The following LRP1B variants were observed in gnomAD, a reference collection of about 807,000 sequenced individuals.
The protein encoded by LRP1B is LDL receptor related protein 1B.
LRP1B carries 217 observed loss-of-function variants against 556.6 expected under a neutral mutation model. The observed-to-expected ratio is 0.39, with a 90% CI of 0.35 to 0.44. LRP1B has a LOEUF of 0.44. Ranked by LOEUF, LRP1B falls within the 20% of genes least tolerant of loss-of-function variation. The probability of loss-of-function intolerance (pLI) is 1.00; values close to 1 mark genes in which losing one functional copy is unlikely to be tolerated. For synonymous variants in LRP1B, 2,047 were observed against 1,865.8 expected (o/e 1.10, Z -2.50); for missense variants, 5,053 against 5,620.8 (o/e 0.90, Z 3.23).
At chr2:141,713,510 T>C (rs928501456) in intron 2 of LRP1B, among the ~76,000 whole-genome samples, 18 of 152,172 alleles carry the variant, frequency 1.2e-4, no homozygotes, top group African/African-American at 2.4e-5. Flanking sequence ...ATAAATGCGG[T>C]ATCTGTTAAA....
intron 7 of LRP1B, among the ~76,000 whole-genome samples, chr2:141,120,477 A>G (rs1257427445): frequency 6.6e-6 from 1 of 151,964 alleles, no homozygotes; most frequent in Non-Finnish European, 1.5e-5. Flanking sequence ...CCTACACATA[A>G]GGCAATTTCA....
chr2:141,239,570 G>A (rs1206927896), intron 5 of LRP1B, among the ~76,000 whole-genome samples: 2 of 152,078 alleles, frequency 1.3e-5, no homozygotes, highest in East Asian at 3.8e-4. Context: ...CCTCGAACAG[G>A]TGAGAGAAGA....
At chr2:142,112,495 C>T (rs939441993) in intron 1 of LRP1B, among the ~76,000 whole-genome samples, 9 of 151,806 alleles carry the variant, frequency 5.9e-5, no homozygotes, top group South Asian at 4.2e-4. Context: ...CTATCAAATT[C>T]GGGAGGGAAA....
At chr2:141,999,005 G>A (rs1353653451) in intron 1 of LRP1B, among the ~76,000 whole-genome samples, 2 of 152,176 alleles carry the variant, frequency 1.3e-5, no homozygotes, top group Admixed American at 6.5e-5. Flanking sequence ...AGAAGAGACA[G>A]CTTTGTCGGC....
Position 140,923,131 on chromosome 2 carries a change from A to T in LRP1B, c.3153T>A (p.Ala1051=), listed in dbSNP as rs199759459. 2.5e-6 allele frequency: 4 copies of T among 1,612,160 alleles called. No homozygotes were observed. Among genetic ancestry groups the T allele is most frequent in the Non-Finnish European group, 3.4e-6 (4 of 1,178,892 alleles). The change falls in exon 21 of 91, where the codon GCT becomes GCA. Residue 1051 remains alanine, a synonymous_variant. Transcript: ENST00000389484. The part of the protein sequence containing the change: ...NCTKEEIHSP[A]GCNGNEFQCH... ...ACTGAAATTCATTTCCGTTACAACC[A>T]GCAGGAGAATGAATCTCTTAATTTG...
intron 41 of LRP1B, among the ~76,000 whole-genome samples, chr2:140,640,667 GCC>G: frequency 6.6e-6 from 1 of 151,974 alleles, no homozygotes; most frequent in Non-Finnish European, 1.5e-5. Flanking sequence ...ACAGGCGTGA[GCC>G]ACCGCACCTG....
intron 1 of LRP1B, among the ~76,000 whole-genome samples, chr2:141,821,976 T>G (rs1403757088): frequency 1.3e-5 from 2 of 152,052 alleles, no homozygotes; most frequent in African/African-American, 4.8e-5. Context: ...AGGGATTTTG[T>G]TCCTTAATCA....
intron 68 of LRP1B, among the ~76,000 whole-genome samples, chr2:140,373,412 G>A (rs777528924): frequency 6.6e-6 from 1 of 152,002 alleles, no homozygotes; most frequent in Non-Finnish European, 1.5e-5. Context: ...AATATTTTAA[G>A]CCCATGAATA....
At chr2:141,857,944 A>T (rs1246935556) in intron 1 of LRP1B, among the ~76,000 whole-genome samples, 1 of 152,114 alleles carries the variant, frequency 6.6e-6, no homozygotes, top group Non-Finnish European at 1.5e-5. Context: ...TATCTGTACT[A>T]TTACATTTAA....
At chr2:141,783,966 C>T (rs1695342790) in intron 2 of LRP1B, among the ~76,000 whole-genome samples, 1 of 151,814 alleles carries the variant, frequency 6.6e-6, no homozygotes, top group African/African-American at 2.4e-5. Flanking sequence ...AAGTCAATCT[C>T]TTGAAAATTA....
chr2:140,818,133 A>G (rs200675472), intron 31 of LRP1B, among the ~76,000 whole-genome samples: 1 of 17,030 alleles, frequency 5.9e-5, no homozygotes, highest in Non-Finnish European at 7.0e-4. Context: ...TTTTGCTGGA[A>G]AGAGTATCAC....
At chr2:141,861,950 AAAAC>A (rs1698259592) in intron 1 of LRP1B, among the ~76,000 whole-genome samples, 2 of 152,184 alleles carry the variant, frequency 1.3e-5, no homozygotes, top group Admixed American at 1.3e-4. Flanking sequence ...GAAAAAAAGA[AAAAC>A]AAAATTACAG....
chr2:141,051,754 G>A (rs1699042471), intron 10 of LRP1B, among the ~76,000 whole-genome samples: 1 of 151,856 alleles, frequency 6.6e-6, no homozygotes, highest in African/African-American at 2.4e-5. Context: ...GTTTAATTTT[G>A]CATGTTTGAA....
chr2:141,934,640 T>C (rs1255541588), intron 1 of LRP1B, among the ~76,000 whole-genome samples: 1 of 152,112 alleles, frequency 6.6e-6, no homozygotes, highest in African/African-American at 2.4e-5. Context: ...CAGGTGGAGA[T>C]AATTATGGGG....
intron 77 of LRP1B, among the ~76,000 whole-genome samples, chr2:140,340,326 T>G (rs1681307918): frequency 6.6e-6 from 1 of 151,630 alleles, no homozygotes; most frequent in Non-Finnish European, 1.5e-5. Flanking sequence ...TTTGAACATG[T>G]CTAGCTCCTA....
chr2:141,615,905 C>T (rs1467901157), intron 2 of LRP1B, among the ~76,000 whole-genome samples: 3 of 152,134 alleles, frequency 2.0e-5, no homozygotes, highest in Admixed American at 1.3e-4. Context: ...ATCCAAGCTT[C>T]CGCAGAATAT....
intron 3 of LRP1B, among the ~76,000 whole-genome samples, chr2:141,365,975 C>G (rs1006333925): frequency 1.3e-5 from 2 of 152,126 alleles, no homozygotes; most frequent in Non-Finnish European, 2.9e-5. Flanking sequence ...ACCCGGCCAA[C>G]AAGTTCTAAT....
intron 54 of LRP1B, among the ~76,000 whole-genome samples, chr2:140,502,489 G>A (rs72899895): frequency 0.2 from 30,884 of 151,872 alleles, 3,694 homozygotes; most frequent in Non-Finnish European, 0.27. Context: ...TCTGTAATAT[G>A]TGATTATATA....
intron 1 of LRP1B, among the ~76,000 whole-genome samples, chr2:141,847,341 G>A (rs1021838971): frequency 2.0e-5 from 3 of 151,402 alleles, no homozygotes; most frequent in Admixed American, 6.6e-5. Context: ...TGGATGATAT[G>A]GCTACATACT....
Sources: gnomAD v4.1 joint callset for allele counts (sites outside exome capture counted in the v4.1 genomes callset) on GRCh38, gnomAD v4.1.1 for gene constraint, MANE v1.5 for transcripts, NCBI Gene and HGNC (gene_info 2026-07-23, HGNC 2026-07-21) for gene names.